The following SLMAP variants were observed in gnomAD, a reference collection of about 807,000 sequenced individuals.
The protein encoded by SLMAP is sarcolemmal membrane-associated protein.
SLMAP carries 44 observed loss-of-function variants against 128.8 expected under a neutral mutation model. The ratio of observed to expected loss-of-function variants is 0.34; its 90% confidence interval spans 0.27 to 0.44. The LOEUF (loss-of-function observed/expected upper bound fraction) is 0.44, where lower values mean the gene tolerates loss of function less well. Ranked by LOEUF, SLMAP falls within the 20% of genes least tolerant of loss-of-function variation. The pLI is 1.00. For synonymous variants in SLMAP, 327 were observed against 348.8 expected (o/e 0.94, Z 0.70); for missense variants, 787 against 985.3 (o/e 0.80, Z 2.69).
Position 57,864,842 on chromosome 3 carries a change from G to A in SLMAP, c.1171G>A (p.Glu391Lys). ...LEHLQEKTLK[E>K]CSSLGIQVDD... ...ACATCTTCAGGAGAAAACTCTTAAAGAATGCAGCAGCTTGGGTAGGTGGCA... is the reference window on the plus strand; with the variant it reads ...ACATCTTCAGGAGAAAACTCTTAAAAAATGCAGCAGCTTGGGTAGGTGGCA... The change falls in exon 12 of 25, where the codon GAA becomes AAA. Residue 391 changes from glutamate (E) to lysine (K), a missense_variant. Physicochemically the swap from Glu to Lys is moderately conservative, Grantham distance 56. This residue lies in a region of SLMAP where 715 missense variants were observed against 843.6 expected (regional missense o/e 0.85). Coordinates refer to ENST00000671191, the MANE Select transcript of SLMAP (RefSeq NM_001377540.1). 6.3e-7 allele frequency: 1 copy of A among 1,581,452 alleles called. No individual in the cohort carries two copies. The highest frequency in any genetic ancestry group is 8.6e-7 in the Non-Finnish European group (1 of 1,165,582).
intron 17 of SLMAP, among the ~76,000 whole-genome samples, chr3:57,904,045 A>C (rs778363636): frequency 3.3e-5 from 5 of 152,248 alleles, no homozygotes; most frequent in Non-Finnish European, 7.3e-5. Context: ...AGAATTGCTC[A>C]TTAAGTCTTT....
chr3:57,782,961 G>A (rs967246813), intron 2 of SLMAP, among the ~76,000 whole-genome samples: 2 of 152,278 alleles, frequency 1.3e-5, no homozygotes, highest in African/African-American at 4.8e-5. Context: ...AGAACTTCTA[G>A]CTCCCAGAAC....
chr3:57,819,619 A>G (rs2153527550), intron 2 of SLMAP, among the ~76,000 whole-genome samples: 1 of 152,274 alleles, frequency 6.6e-6, no homozygotes, highest in Admixed American at 6.5e-5. Context: ...CCTTAGATGG[A>G]GCCCATTGTA....
chr3:57,867,623 G>A (rs767633398), intron 13 of SLMAP, among the ~76,000 whole-genome samples: 12 of 151,902 alleles, frequency 7.9e-5, no homozygotes, highest in Non-Finnish European at 1.5e-4. Context: ...AGTTAAGGGT[G>A]GACTTTGGAA....
At chr3:57,814,141 T>G (rs1247378182) in intron 2 of SLMAP, among the ~76,000 whole-genome samples, 3 of 151,848 alleles carry the variant, frequency 2.0e-5, no homozygotes, top group Non-Finnish European at 4.4e-5. Flanking sequence ...ACTTTCCAAG[T>G]CATGAGCCCC....
chr3:57,906,300 C>CTTTTTTTTTCTTTTTTT (rs2096543748), intron 17 of SLMAP, among the ~76,000 whole-genome samples: 1 of 71,268 alleles, frequency 1.4e-5, no homozygotes, highest in African/African-American at 4.8e-5. Context: ...AAATTTTTTT[C>CTTTTTTTTTCTTTTTTT]TTTTTTTTTC....
Position 57,929,278 on chromosome 3 carries a change from ATTC to A in SLMAP, c.*1993_*1995del, listed in dbSNP as rs2097048143. The A allele has an allele frequency of 6.6e-6, 1 of 152,624 alleles. No homozygotes were observed. The highest frequency in any genetic ancestry group is 2.4e-5 in the African/African-American group (1 of 41,460). 9.5% of individuals were successfully genotyped at this position (152,624 alleles called of 1,614,324 possible). On this transcript the variant is annotated 3_prime_UTR_variant, in exon 25 of 25. Transcript: ENST00000671191. ...TTATGCAACATAACATACATTTGGT[ATTC>A]TTCAGGGTTTAAAAGAAAACACTGA...
intron 8 of SLMAP, 100 bp from the exon 9 acceptor site, chr3:57,860,599 A>G (rs2095002846): frequency 2.3e-6 from 2 of 864,874 alleles, no homozygotes; most frequent in Middle Eastern, 3.7e-4. Flanking sequence ...AGGTACCTTA[A>G]TATATAATTT....
At chr3:57,857,175 T>C (rs969111221) in intron 6 of SLMAP, among the ~76,000 whole-genome samples, 3 of 152,198 alleles carry the variant, frequency 2.0e-5, no homozygotes, top group Non-Finnish European at 4.4e-5. Flanking sequence ...ACTTGTTTTC[T>C]ATTATGGGAG....
chr3:57,902,767 T>C (rs1166091762), intron 17 of SLMAP, among the ~76,000 whole-genome samples: 1 of 152,154 alleles, frequency 6.6e-6, no homozygotes, highest in Non-Finnish European at 1.5e-5. Flanking sequence ...GGTGTCCTGG[T>C]GGTAGCTGTG....
chr3:57,864,433 T>G (rs1268271828), intron 10 of SLMAP, 115 bp from the exon 11 acceptor site: 2 of 648,048 alleles, frequency 3.1e-6, no homozygotes, highest in Non-Finnish European at 5.3e-6. Context: ...GTAGAACATT[T>G]CTTTTCTACA....
intron 2 of SLMAP, among the ~76,000 whole-genome samples, chr3:57,827,050 A>G (rs2092976556): frequency 6.6e-6 from 1 of 152,300 alleles, no homozygotes; most frequent in South Asian, 2.1e-4. Flanking sequence ...AGGAGATTAA[A>G]AATTTTTGTT....
chr3:57,816,845 G>T (rs2091914947), intron 2 of SLMAP, among the ~76,000 whole-genome samples: 1 of 152,204 alleles, frequency 6.6e-6, no homozygotes, highest in Non-Finnish European at 1.5e-5. Context: ...CTTTTAACAG[G>T]TAGAGAGTAT....
chr3:57,756,480 G>A (rs1350160843), intron 1 of SLMAP, 68 bp from the exon 2 acceptor site: 3 of 152,798 alleles, frequency 2.0e-5, no homozygotes, highest in Non-Finnish European at 4.4e-5. Context: ...CTGGCTGGAG[G>A]GGGCGACGGC....
At chr3:57,898,626 CTGTT>C (rs1255397406) in intron 17 of SLMAP, 2 of 152,084 alleles carry the variant, frequency 1.3e-5, no homozygotes, top group South Asian at 2.1e-4. Context: ...TTTTGTCAGT[CTGTT>C]TTAGATTTGA....
At chr3:57,883,410 T>A (rs375207394) in intron 14 of SLMAP, among the ~76,000 whole-genome samples, 6 of 152,152 alleles carry the variant, frequency 3.9e-5, no homozygotes, top group African/African-American at 1.4e-4. Context: ...AAAATGTTGT[T>A]GTTGTTGCTG....
rs920420044 is a variant in SLMAP, at chr3:57,757,487, A to T, written c.-165A>T. The T allele has an allele frequency of 4.7e-5, 31 of 653,054 alleles. No individual in the cohort carries two copies. The highest frequency in any genetic ancestry group is 4.4e-4 in the African/African-American group (24 of 55,166). The allele number at this position is 653,054 out of a possible 1,614,324, so 40.5% of individuals were successfully genotyped here. The stretch of plus-strand genomic sequence containing the variant: ...GGGGCTTGCGCTGGCTTGTCTTCCC[A>T]CCCAAGTGAAGAGTTGATGTTCACT... On this transcript the variant is annotated 5_prime_UTR_variant, in exon 2 of 25. Coordinates refer to ENST00000671191, the MANE Select transcript of SLMAP (RefSeq NM_001377540.1).
intron 10 of SLMAP, 99 bp downstream of exon 10, chr3:57,862,185 G>T (rs2095101259): frequency 1.1e-6 from 1 of 932,528 alleles, no homozygotes; most frequent in Admixed American, 2.4e-5. Context: ...GCGTGGGGTG[G>T]CGGGCGCCTG....
At chr3:57,772,899 C>A (rs1351329363) in intron 2 of SLMAP, among the ~76,000 whole-genome samples, 2 of 152,156 alleles carry the variant, frequency 1.3e-5, no homozygotes, top group African/African-American at 4.8e-5. Context: ...CTCGGCCTCC[C>A]AAAGTGCTGG....
Sources: gnomAD v4.1 joint callset for allele counts (sites outside exome capture counted in the v4.1 genomes callset) on GRCh38, gnomAD v4.1.1 for gene constraint, gnomAD v4.1.1 regional missense constraint, MANE v1.5 for transcripts, NCBI Gene and HGNC (gene_info 2026-07-23, HGNC 2026-07-21) for gene names.